Variants in PCDHA10 observed in about 807,000 individuals in gnomAD.
The protein encoded by PCDHA10 is protocadherin alpha-10.
A neutral mutation model predicts 61.2 loss-of-function variants in PCDHA10; 45 were observed. That is an observed-to-expected ratio of 0.74 (90% confidence interval 0.58 to 0.94). The LOEUF (loss-of-function observed/expected upper bound fraction) is 0.94. Ranked by LOEUF, PCDHA10 falls within the 40% of genes least tolerant of loss-of-function variation. The pLI, the probability that PCDHA10 is intolerant of heterozygous loss-of-function variation, is 0.00. For missense variants in PCDHA10, 1,278 were observed against 1,236.2 expected (o/e 1.03, Z -0.51); for synonymous variants, 602 against 548.8 (o/e 1.10, Z -1.35).
intron 1 of PCDHA10, among the ~76,000 whole-genome samples, chr5:140,975,683 G>T (rs1226769029): frequency 6.6e-6 from 1 of 151,934 alleles, no homozygotes; most frequent in Non-Finnish European, 1.5e-5. Context: ...AATAAAATAG[G>T]GTATTTTAAA....
chr5:140,870,509 C>T, intron 1 of PCDHA10: 2 of 1,614,230 alleles, frequency 1.2e-6, no homozygotes, highest in Non-Finnish European at 1.7e-6. Context: ...AACAACCCAC[C>T]AGGCTGCCAC....
intron 1 of PCDHA10, chr5:140,871,535 G>GTTTC: frequency 6.6e-7 from 1 of 1,514,054 alleles, no homozygotes; most frequent in Non-Finnish European, 8.9e-7. Flanking sequence ...AAGTGTATGT[G>GTTTC]AAATTATTTA....
In PCDHA10 at chr5:140,856,231, C is replaced by G; in HGVS notation, c.183C>G (p.Arg61=). The change falls in exon 1 of 4, where the codon CGC becomes CGG. Residue 61 remains arginine (R), a synonymous_variant. Coordinates refer to ENST00000307360, the MANE Select transcript of PCDHA10 (RefSeq NM_018901.4). ...LGLELAELVQ[R]LFRVASKRHG... ...TGGAGCTGGCGGAGCTGGTGCAGCG[C>G]CTGTTCCGGGTGGCGTCCAAAAGAC... 1 of 1,597,900 alleles carries G rather than the reference C, an allele frequency of 6.3e-7. No individual in the cohort carries two copies.
intron 1 of PCDHA10, among the ~76,000 whole-genome samples, chr5:140,932,531 G>A (rs1379233805): frequency 4.6e-5 from 7 of 151,752 alleles, no homozygotes; most frequent in Non-Finnish European, 8.9e-5. Context: ...TGGCATTCAA[G>A]GTGCTTTATT....
intron 1 of PCDHA10, among the ~76,000 whole-genome samples, chr5:140,925,577 C>T (rs931426226): frequency 2.6e-5 from 4 of 151,714 alleles, no homozygotes; most frequent in Non-Finnish European, 5.9e-5. Context: ...AGCACACCAA[C>T]ATGGCGCATG....
intron 1 of PCDHA10, chr5:140,883,418 C>G: frequency 6.2e-7 from 1 of 1,614,172 alleles, no homozygotes; most frequent in Non-Finnish European, 8.5e-7. Context: ...CTCAAATGGA[C>G]AGGTCACCTG....
chr5:140,942,132 TG>T (rs1554214846), intron 1 of PCDHA10, among the ~76,000 whole-genome samples: 1 of 152,250 alleles, frequency 6.6e-6, no homozygotes, highest in African/African-American at 2.4e-5. Flanking sequence ...GTGATATTTG[TG>T]GCTTTACTTG....
At chr5:140,871,283 C>G in intron 1 of PCDHA10, 4 of 1,613,936 alleles carry the variant, frequency 2.5e-6, no homozygotes, top group Non-Finnish European at 3.4e-6. Flanking sequence ...GCAACGCCCA[C>G]TGAGGGCGCG....
intron 1 of PCDHA10, chr5:140,967,958 C>A (rs202159883): frequency 6.2e-7 from 1 of 1,614,182 alleles, no homozygotes; most frequent in Non-Finnish European, 8.5e-7. Context: ...AGGCCCCAAC[C>A]GGAAAGTGAG....
At chr5:140,963,068 G>C (rs1472395054) in intron 1 of PCDHA10, among the ~76,000 whole-genome samples, 3 of 152,064 alleles carry the variant, frequency 2.0e-5, no homozygotes, top group African/African-American at 7.2e-5. Context: ...CATTGTGAAG[G>C]AGACAGAAAT....
At chr5:140,903,917 T>C (rs2070714744) in intron 1 of PCDHA10, among the ~76,000 whole-genome samples, 1 of 152,258 alleles carries the variant, frequency 6.6e-6, no homozygotes, top group Non-Finnish European at 1.5e-5. Flanking sequence ...GTGACTTCCT[T>C]GCTGCATTGG....
rs781883324 is a variant in PCDHA10 at position 140,927,514 on chromosome 5, G to A, written c.2389-51435G>A. 3.2e-5 allele frequency: 52 copies of A among 1,613,938 alleles called. No individual in the cohort carries two copies. The highest frequency in any genetic ancestry group is 4.2e-5 in the Non-Finnish European group (49 of 1,180,040). ...CCTGCTGGTGCTTACAGCTCGGGAC[G>A]GCGGGCTACCTGCCCGCTCAGGAGA... On this transcript the variant is annotated intron_variant, in intron 1 of 3. Coordinates refer to ENST00000307360, the MANE Select transcript of PCDHA10 (RefSeq NM_018901.4).
At chr5:140,875,951 C>T in intron 1 of PCDHA10, 1 of 1,614,116 alleles carries the variant, frequency 6.2e-7, no homozygotes, top group South Asian at 1.1e-5. Context: ...GCTTCTGATG[C>T]GGATATCGGC....
intron 1 of PCDHA10, chr5:140,929,032 T>C (rs781951889): frequency 1.9e-6 from 3 of 1,614,236 alleles, no homozygotes; most frequent in East Asian, 2.2e-5. Flanking sequence ...CCCAGGCTGT[T>C]GCGCTCAGAG....
At chr5:140,863,233 C>T (rs2047882202) in intron 1 of PCDHA10, 3 of 1,240,302 alleles carry the variant, frequency 2.4e-6, no homozygotes, top group Non-Finnish European at 3.4e-6. Context: ...GGTCCCATCG[C>T]GGGCTTTGGC....
intron 3 of PCDHA10, among the ~76,000 whole-genome samples, chr5:141,005,117 C>A (rs2098198148): frequency 6.6e-6 from 1 of 152,214 alleles, no homozygotes; most frequent in South Asian, 2.1e-4. Flanking sequence ...TCTTTAGGGA[C>A]CCCAAAAGTG....
chr5:140,987,474 G>A (rs114440148), intron 3 of PCDHA10, among the ~76,000 whole-genome samples: 307 of 152,240 alleles, frequency 2.0e-3, no homozygotes, highest in African/African-American at 7.1e-3. Context: ...CTCAAGCTTG[G>A]GAGTCAGTGA....
Position 140,883,553 on chromosome 5 carries a change from G to A in PCDHA10, c.2388+25117G>A, listed in dbSNP as rs782158028. The A allele has an allele frequency of 4.3e-6, 7 of 1,614,122 alleles. No individual in the cohort carries two copies. In the South Asian group the frequency reaches 7.7e-5, roughly 18 times the overall value. On this transcript the variant is annotated intron_variant, in intron 1 of 3. Transcript: ENST00000307360. The stretch of plus-strand genomic sequence containing the variant: ...CTATGAACTGGTGGTGACCGCGCGG[G>A]ACGGGGGCTCGCCTTCGCTGTGGGC...
intron 1 of PCDHA10, among the ~76,000 whole-genome samples, chr5:140,897,453 C>T (rs1437046068): frequency 6.6e-6 from 1 of 151,162 alleles, no homozygotes; most frequent in African/African-American, 2.4e-5. Context: ...GTTTTTTGTC[C>T]TTGCGATAGT....
Sources: allele counts gnomAD v4.1 joint callset (sites outside exome capture counted in the v4.1 genomes callset), GRCh38; gene constraint gnomAD v4.1.1; transcripts MANE v1.5; gene names NCBI Gene and HGNC (gene_info 2026-07-23, HGNC 2026-07-21).